The following HS3ST5 variants were observed in gnomAD, a reference collection of about 807,000 sequenced individuals.
HS3ST5 encodes heparan sulfate glucosamine 3-O-sulfotransferase 5.
A neutral mutation model predicts 25.4 loss-of-function variants in HS3ST5; 10 were observed. The observed-to-expected ratio is 0.39, with a 90% confidence interval of 0.24 to 0.67. HS3ST5 has a LOEUF of 0.67. HS3ST5 is among the 30% of genes least tolerant of loss of function. The pLI is 0.44. For missense variants in HS3ST5, 324 were observed against 420.7 expected, an observed-to-expected ratio of 0.77 and a Z score of 2.01; for synonymous variants, 170 against 162.4, an observed-to-expected ratio of 1.05 and a Z score of -0.36.
At position 114,282,424 on chromosome 6, in the gene HS3ST5, C is replaced by T. The variant is rs148751957; in HGVS notation, c.-338-53646G>A. 1.3e-3 allele frequency among the ~76,000 whole-genome samples: 205 copies of T among 151,952 alleles called. 1 individual carries two copies. Among genetic ancestry groups the T allele is most frequent in the African/African-American group, 4.8e-3 (198 of 41,476 alleles). On this transcript the variant is annotated intron_variant, in intron 1 of 4. Transcript: ENST00000312719. ...ATAATTGGAGAACGCCAAAATAAACCTAACACTTCTCAAACAATGCTACCC... is the reference window on the plus strand; with the variant it reads ...ATAATTGGAGAACGCCAAAATAAACTTAACACTTCTCAAACAATGCTACCC...
chr6:114,265,072 A>T (rs998924837), intron 1 of HS3ST5, among the ~76,000 whole-genome samples: 3 of 151,934 alleles, frequency 2.0e-5, no homozygotes, highest in Non-Finnish European at 4.4e-5. Context: ...TTTGGTAGAG[A>T]TGGGGTCTTG....
At chr6:114,237,015 A>C (rs906620643) in intron 1 of HS3ST5, among the ~76,000 whole-genome samples, 2 of 152,248 alleles carry the variant, frequency 1.3e-5, no homozygotes, top group African/African-American at 2.4e-5. Context: ...TTTTATGATG[A>C]CTTTAAAAAT....
At chr6:114,176,874 G>C (rs1052681889) in intron 2 of HS3ST5, among the ~76,000 whole-genome samples, 2 of 152,168 alleles carry the variant, frequency 1.3e-5, no homozygotes, top group Admixed American at 1.3e-4. Context: ...AGACTGGTCT[G>C]TTCCCCAGGT....
chr6:114,293,921 G>A (rs930877822), intron 1 of HS3ST5, among the ~76,000 whole-genome samples: 1 of 152,154 alleles, frequency 6.6e-6, no homozygotes, highest in African/African-American at 2.4e-5. Context: ...CACACTTCAG[G>A]AGAATTTAGG....
chr6:114,195,389 T>G (rs904951635), intron 2 of HS3ST5, among the ~76,000 whole-genome samples: 1 of 152,116 alleles, frequency 6.6e-6, no homozygotes, highest in African/African-American at 2.4e-5. Context: ...ACTGCCCATG[T>G]CACTAAGCAG....
intron 2 of HS3ST5, among the ~76,000 whole-genome samples, chr6:114,205,514 A>T (rs905294515): frequency 1.3e-5 from 2 of 152,284 alleles, no homozygotes; most frequent in African/African-American, 4.8e-5. Flanking sequence ...TTGAAGTCTC[A>T]AAGTTTTTAA....
In HS3ST5 at chr6:114,062,782, C is replaced by T; in HGVS notation, c.64G>A (p.Gly22Arg). The T allele has an allele frequency of 6.2e-7, 1 of 1,614,120 alleles. No homozygotes were observed. The highest frequency in any genetic ancestry group is 8.5e-7 in the Non-Finnish European group (1 of 1,179,970). ...KLLVLGSLAV[G>R]SLLYLVARVG... is the part of the protein sequence containing the mutation. ...CTGGCGACTAGATACAGGAGACTCC[C>T]AACGGCAAGGCTTCCCAGCACCAGG... The change falls in exon 4 of 5, where the codon GGG becomes AGG. Residue 22 changes from glycine to arginine, a missense_variant. Physicochemically the swap from Gly to Arg is moderately radical, Grantham distance 125 (BLOSUM62 -2). This residue lies in a region of HS3ST5 where 121 missense variants were observed against 117.3 expected (regional missense o/e 1.03). Coordinates refer to ENST00000312719, the MANE Select transcript of HS3ST5 (RefSeq NM_153612.4).
At chr6:114,169,355 C>G (rs1779363144) in intron 2 of HS3ST5, among the ~76,000 whole-genome samples, 1 of 152,130 alleles carries the variant, frequency 6.6e-6, no homozygotes, top group Non-Finnish European at 1.5e-5. Context: ...AATGTATACA[C>G]TTGGCTAATA....
At chr6:114,297,699 A>G (rs944488929) in intron 1 of HS3ST5, among the ~76,000 whole-genome samples, 4 of 152,220 alleles carry the variant, frequency 2.6e-5, no homozygotes, top group Non-Finnish European at 4.4e-5. Context: ...AGGCTTGGTT[A>G]ACGCTTTCCT....
intron 3 of HS3ST5, among the ~76,000 whole-genome samples, chr6:114,121,635 T>C (rs1399051007): frequency 1.3e-5 from 2 of 152,130 alleles, no homozygotes; most frequent in Admixed American, 1.3e-4. Flanking sequence ...CTTAATCACA[T>C]GTTAAAAGAA....
chr6:114,205,395 A>T (rs1012429798), intron 2 of HS3ST5, among the ~76,000 whole-genome samples: 2 of 152,188 alleles, frequency 1.3e-5, no homozygotes, highest in Non-Finnish European at 2.9e-5. Flanking sequence ...GAAGAGAGGC[A>T]TAGGGGAAGA....
At chr6:114,218,464 T>A (rs1582727904) in intron 2 of HS3ST5, among the ~76,000 whole-genome samples, 1 of 152,236 alleles carries the variant, frequency 6.6e-6, no homozygotes, top group East Asian at 1.9e-4. Context: ...TTGGTATGAA[T>A]AATTCTCTTC....
intron 2 of HS3ST5, among the ~76,000 whole-genome samples, chr6:114,169,200 A>G (rs1384155580): frequency 6.6e-6 from 1 of 152,142 alleles, no homozygotes. Flanking sequence ...TATATATTCA[A>G]TTGCAGTTGA....
chr6:114,306,278 C>T (rs11965667), intron 1 of HS3ST5, among the ~76,000 whole-genome samples: 19,635 of 141,020 alleles, frequency 0.14, 1,507 homozygotes, highest in East Asian at 0.21. Context: ...CACACACACA[C>T]ATATATATAT....
Position 114,342,234 on chromosome 6 carries a change from G to T in HS3ST5, c.-378C>A. 6.7e-6 allele frequency: 1 copy of T among 149,804 alleles called. No homozygotes were observed. Among genetic ancestry groups the T allele is most frequent in the South Asian group, 1.8e-4 (1 of 5,434 alleles). 9.3% of individuals were successfully genotyped at this position (149,804 alleles called of 1,614,324 possible). On this transcript the variant is annotated 5_prime_UTR_variant, in exon 1 of 5. Transcript: ENST00000312719. ...GTGGCGGCGCGGGCGGGAGCCTCAG[G>T]GCGCGGGGGTCGGCGGCGGGTCGCG... is the stretch of plus-strand genomic sequence containing the variant.
intron 2 of HS3ST5, among the ~76,000 whole-genome samples, chr6:114,181,231 C>T (rs1251279786): frequency 6.6e-6 from 1 of 152,162 alleles, no homozygotes; most frequent in Non-Finnish European, 1.5e-5. Flanking sequence ...AATCCGATCC[C>T]TCTTTCTATC....
chr6:114,232,822 TCTC>T (rs1771662983), intron 1 of HS3ST5, among the ~76,000 whole-genome samples: 1 of 152,196 alleles, frequency 6.6e-6, no homozygotes, highest in Admixed American at 6.5e-5. Flanking sequence ...CTCTTCTTTT[TCTC>T]CTCCTCTACC....
intron 1 of HS3ST5, among the ~76,000 whole-genome samples, chr6:114,249,509 C>T (rs1049525205): frequency 6.6e-6 from 1 of 152,204 alleles, no homozygotes; most frequent in African/African-American, 2.4e-5. Context: ...GTAATGGATG[C>T]CCCTCCTCTT....
chr6:114,108,419 GTCTCAT>G (rs879667522), intron 3 of HS3ST5, among the ~76,000 whole-genome samples: 11 of 152,160 alleles, frequency 7.2e-5, no homozygotes, highest in Admixed American at 3.9e-4. Context: ...CATAGAACGT[GTCTCAT>G]CAGAGGCACT....
Sources: allele counts gnomAD v4.1 joint callset (sites outside exome capture counted in the v4.1 genomes callset), GRCh38; gene constraint gnomAD v4.1.1; regional missense constraint gnomAD v4.1.1; transcripts MANE v1.5; gene names NCBI Gene and HGNC (gene_info 2026-07-23, HGNC 2026-07-21).